SCN4A: variants seen among roughly 807,000 people sequenced by gnomAD.
SCN4A encodes the protein sodium voltage-gated channel alpha subunit 4.
In SCN4A, 83 loss-of-function variants were observed where a neutral mutation model predicts 162.0. The ratio of observed to expected loss-of-function variants is 0.51; its 90% CI spans 0.43 to 0.61. The LOEUF is 0.61. Ranked by LOEUF, SCN4A falls within the 20% of genes least tolerant of loss-of-function variation. SCN4A has a pLI of 0.00. For synonymous variants in SCN4A, 944 were observed against 985.1 expected, an observed-to-expected ratio of 0.96 and a Z score of 0.78; for missense variants, 2,196 against 2,462.5, an observed-to-expected ratio of 0.89 and a Z score of 2.29.
At chr17:63,954,352 G>T (rs888287534) in intron 13 of SCN4A, among the ~76,000 whole-genome samples, 3 of 152,046 alleles carry the variant, frequency 2.0e-5, no homozygotes, top group African/African-American at 7.2e-5. Context: ...CCACCAAAAC[G>T]CATTAGTCTT....
rs762383776 is a variant in SCN4A, at chr17:63,948,684, C to T, written c.3071G>A (p.Cys1024Tyr). ...CCAGTTGTGCTCGACAATCTTGAAGCAGGCCCTGCGCAGAGTCCACCACTT... is the reference window on the plus strand; with the variant it reads ...CCAGTTGTGCTCGACAATCTTGAAGTAGGCCCTGCGCAGAGTCCACCACTT... ...GKKWWTLRRA[C>Y]FKIVEHNWFE... Residue 1024 changes from cysteine (C) to tyrosine (Y), a missense_variant, in exon 16 of 24, where the codon TGC becomes TAC. Physicochemically the swap from Cys to Tyr is radical, Grantham distance 194. Coordinates refer to ENST00000435607, the MANE Select transcript of SCN4A (RefSeq NM_000334.4). 1.2e-6 allele frequency: 2 copies of T among 1,613,752 alleles called. No homozygotes were observed. Among genetic ancestry groups the T allele is most frequent in the East Asian group, 2.2e-5 (1 of 44,870 alleles).
intron 8 of SCN4A, among the ~76,000 whole-genome samples, chr17:63,965,456 A>G (rs1180802864): frequency 6.6e-6 from 1 of 152,092 alleles, no homozygotes; most frequent in Non-Finnish European, 1.5e-5. Flanking sequence ...TGCAAACAGT[A>G]GAAGGCAAAT....
chr17:63,953,685 G>GAAAAAA (rs55829860), intron 13 of SCN4A, among the ~76,000 whole-genome samples: 2 of 130,310 alleles, frequency 1.5e-5, no homozygotes, highest in African/African-American at 6.0e-5. Flanking sequence ...CTGCCTTGAA[G>GAAAAAA]AAAAAAAAAA....
At chr17:63,966,293 T>C (rs1182821364) in intron 7 of SCN4A, 50 bp from the exon 8 acceptor site, 8 of 1,573,112 alleles carry the variant, frequency 5.1e-6, no homozygotes, top group Non-Finnish European at 6.1e-6. Context: ...GCACTCCAGC[T>C]GGGGGCAGAT....
chr17:63,947,011 C>G, intron 18 of SCN4A, 34 bp downstream of exon 18: 1 of 1,447,668 alleles, frequency 6.9e-7, no homozygotes, highest in Non-Finnish European at 9.6e-7. Context: ...GTCCCCCATC[C>G]CCAGCCCACC....
chr17:63,957,553 C>G (rs370756683), intron 12 of SCN4A, 35 bp from the exon 13 acceptor site: 26 of 1,471,920 alleles, frequency 1.8e-5, no homozygotes, highest in Non-Finnish European at 2.3e-5. Flanking sequence ...GAATGAGGCC[C>G]AGGGACCACC....
At chr17:63,946,304 G>A (rs540578155) in intron 18 of SCN4A, among the ~76,000 whole-genome samples, 54 of 152,308 alleles carry the variant, frequency 3.5e-4, no homozygotes, top group African/African-American at 1.2e-3. Flanking sequence ...CTGGCTCTGG[G>A]GGGTCAGAGG....
rs1277322217 is a variant in SCN4A, at chr17:63,944,130, G to A, written c.3913-280C>T. Among the ~76,000 whole-genome samples the A allele has an allele frequency of 6.6e-6, 1 of 152,056 alleles. No homozygotes were observed. The highest frequency in any genetic ancestry group is 1.5e-5 in the Non-Finnish European group (1 of 68,022). The stretch of plus-strand genomic sequence containing the variant: ...CCTAGAGTAACCCACAAGGCAGGTT[G>A]TAGCAGCCTCGTCTTTTTTTTTGTT... On this transcript the variant is annotated intron_variant, in intron 21 of 23. Transcript: ENST00000435607. This position sits in a 1 kb window ranked among gnomAD's most constrained non-coding sequence, Gnocchi z 4.3.
chr17:63,962,497 T>C (rs1028973979), intron 10 of SCN4A, among the ~76,000 whole-genome samples: 1 of 152,070 alleles, frequency 6.6e-6, no homozygotes, highest in African/African-American at 2.4e-5. Flanking sequence ...TGGGGACACA[T>C]TCGGAGTGTC....
At chr17:63,961,887 A>G (rs1707192157) in intron 10 of SCN4A, among the ~76,000 whole-genome samples, 1 of 131,674 alleles carries the variant, frequency 7.6e-6, no homozygotes, top group African/African-American at 3.2e-5. Context: ...CCCGGCTCCA[A>G]GCTCCTCCGC....
intron 7 of SCN4A, 81 bp downstream of exon 7, chr17:63,966,400 C>A: frequency 7.0e-7 from 1 of 1,437,380 alleles, no homozygotes; most frequent in Non-Finnish European, 9.8e-7. Flanking sequence ...ACTCCCATGC[C>A]CCCCAGGTCC....
At chr17:63,971,395 C>T in intron 4 of SCN4A, 142 bp from the exon 5 acceptor site, 1 of 651,110 alleles carries the variant, frequency 1.5e-6, no homozygotes, top group South Asian at 1.8e-5. Flanking sequence ...GGCAGACACC[C>T]CCAAAGCTCC....
In SCN4A at chr17:63,964,494, T is replaced by C. The variant is rs1465194534; in HGVS notation, c.1426A>G (p.Lys476Glu). 5.6e-6 allele frequency: 9 copies of C among 1,613,936 alleles called. No individual in the cohort carries two copies. Among genetic ancestry groups the C allele is most frequent in the Admixed American group, 3.3e-5 (2 of 60,004 alleles). The change falls in exon 9 of 24, where the codon AAA becomes GAA. Residue 476 changes from lysine (K) to glutamate (E), a missense_variant. Lys to Glu is a moderately conservative substitution (Grantham distance 56). Transcript: ENST00000435607. ...TTCTCCAGCTCCTCCTGGTGCTTTT[T>C]GAACTTCTCAAGCATCTGCTGAAAC... Reference protein sequence around the residue: ...EEFQQMLEKFKKHQEELEKAK... With the variant: ...EEFQQMLEKFEKHQEELEKAK...
intron 6 of SCN4A, among the ~76,000 whole-genome samples, chr17:63,967,151 T>C (rs1909475403): frequency 6.6e-6 from 1 of 151,716 alleles, no homozygotes; most frequent in African/African-American, 2.4e-5. Flanking sequence ...TAGTGAGAGC[T>C]TTAGGATTTT....
Position 63,944,599 on chromosome 17 carries a change from A to G in SCN4A, c.3912+74T>C. The G allele has an allele frequency of 6.6e-7, 1 of 1,507,908 alleles. No individual in the cohort carries two copies. The highest frequency in any genetic ancestry group is 9.0e-7 in the Non-Finnish European group (1 of 1,112,334). 93.4% of individuals were successfully genotyped at this position (1,507,908 alleles called of 1,614,324 possible). ...TCAGGCAGCGTTTGTGGGTTTGTGC[A>G]ATGGAGAGTGGACAAAGGAGGCAGG... On this transcript the variant is annotated intron_variant, in intron 21 of 23. Coordinates refer to ENST00000435607, the MANE Select transcript of SCN4A (RefSeq NM_000334.4). The surrounding 1 kb of genome is among the most constrained non-coding windows in gnomAD (Gnocchi z 4.3).
rs2144781482 is a variant in SCN4A at position 63,947,023 on chromosome 17, CAGAGG to C, written c.3441+17_3441+21del. 1.3e-6 allele frequency: 2 copies of C among 1,590,040 alleles called. No individual in the cohort carries two copies. The highest frequency in any genetic ancestry group is 1.7e-6 in the Non-Finnish European group (2 of 1,165,886). On this transcript the variant is annotated intron_variant, in intron 18 of 23. Coordinates refer to ENST00000435607, the MANE Select transcript of SCN4A (RefSeq NM_000334.4). Reference sequence around the variant, plus strand: ...CCGGTCCCCCATCCCCAGCCCACCCCAGAGGCCCCTTCAGCACCCACCCTCATGCC... The same window carrying C: ...CCGGTCCCCCATCCCCAGCCCACCCCCCCCTTCAGCACCCACCCTCATGCC...
Position 63,944,651 on chromosome 17 carries a change from G to A in SCN4A, c.3912+22C>T, listed in dbSNP as rs751364818. 5.9e-5 allele frequency: 93 copies of A among 1,585,356 alleles called. No homozygotes were observed. The highest frequency in any genetic ancestry group is 3.3e-4 in the South Asian group (29 of 87,138). On this transcript the variant is annotated intron_variant, in intron 21 of 23. Transcript: ENST00000435607. The surrounding 1 kb of genome is among the most constrained non-coding windows in gnomAD (Gnocchi z 4.3). ...GGGAGGCCCAGCACCGGGAGGGCCC[G>A]AGGGGCTGGGCTGATACTCATCTTC...
chr17:63,972,803 G>A lies in SCN4A; in HGVS notation c.39C>T (p.Gly13=), dbSNP rs367551440. The A allele has an allele frequency of 1.9e-6, 3 of 1,613,402 alleles. No homozygotes were observed. Among genetic ancestry groups the A allele is most frequent in the Non-Finnish European group, 1.7e-6 (2 of 1,179,684 alleles). The change falls in exon 1 of 24, where the codon GGC becomes GGT. Residue 13 remains glycine, a synonymous_variant. Coordinates refer to ENST00000435607, the MANE Select transcript of SCN4A (RefSeq NM_000334.4). This position sits in a 1 kb window ranked among gnomAD's most constrained non-coding sequence, Gnocchi z 4.3. Reference sequence around the variant, plus strand: ...GGGTGAAGGGGCGCAAGCACTCAGGGCCCAGAGGCACCAGGGTGCACAGAG... The same window carrying A: ...GGGTGAAGGGGCGCAAGCACTCAGGACCCAGAGGCACCAGGGTGCACAGAG... ...RPSLCTLVPL[G]PECLRPFTRE...
At chr17:63,971,604 A>G in intron 4 of SCN4A, 118 bp downstream of exon 4, 3 of 913,316 alleles carry the variant, frequency 3.3e-6, no homozygotes, top group Non-Finnish European at 5.0e-6. Flanking sequence ...GCAGCTCCCC[A>G]TCTGCACAAC....
Sources: gnomAD v4.1 joint callset for allele counts (sites outside exome capture counted in the v4.1 genomes callset) on GRCh38, gnomAD v4.1.1 for gene constraint, Gnocchi (gnomAD v3.1) non-coding constraint, MANE v1.5 for transcripts, NCBI Gene and HGNC (gene_info 2026-07-23, HGNC 2026-07-21) for gene names.